The following IQGAP2 variants were observed in gnomAD, a reference collection of about 807,000 sequenced individuals.
IQGAP2 encodes the protein ras GTPase-activating-like protein IQGAP2.
In IQGAP2, 173 loss-of-function variants were observed where a neutral mutation model predicts 201.3. The observed-to-expected ratio is 0.86, with a 90% CI of 0.76 to 0.98. IQGAP2 has a LOEUF of 0.98. Among genes scored for constraint, IQGAP2 ranks in the 50% least tolerant of loss-of-function variants. The probability of loss-of-function intolerance (pLI) is 0.00; values close to 1 mark genes in which losing one functional copy is unlikely to be tolerated. For synonymous variants in IQGAP2, 675 were observed against 673.9 expected, an observed-to-expected ratio of 1.00 and a Z score of -0.03; for missense variants, 1,687 against 1,864.8, an observed-to-expected ratio of 0.90 and a Z score of 1.76.
rs180747042 is a variant in IQGAP2 at position 76,656,266 on chromosome 5, A to G, written c.2320+1263A>G. Reference sequence around the variant, plus strand: ...GAGACGGAGTCTCGCTCTTTCGCCCAGGCAGGACTGCAGTGGCGCTATCTC... The same window carrying G: ...GAGACGGAGTCTCGCTCTTTCGCCCGGGCAGGACTGCAGTGGCGCTATCTC... On this transcript the variant is annotated intron_variant, in intron 20 of 35. Coordinates refer to ENST00000274364, the MANE Select transcript of IQGAP2 (RefSeq NM_006633.5). 1.9e-3 allele frequency among the ~76,000 whole-genome samples: 294 copies of G among 151,110 alleles called. 1 individual carries two copies. The highest frequency in any genetic ancestry group is 6.6e-3 in the African/African-American group (272 of 41,164).
chr5:76,521,616 C>T (rs928815724), intron 2 of IQGAP2, among the ~76,000 whole-genome samples: 1 of 152,162 alleles, frequency 6.6e-6, no homozygotes, highest in African/African-American at 2.4e-5. Flanking sequence ...GTTTCAGAGC[C>T]CCTGTAGAGA....
chr5:76,582,515 T>C (rs1038630176), intron 5 of IQGAP2, among the ~76,000 whole-genome samples: 35 of 152,196 alleles, frequency 2.3e-4, no homozygotes, highest in African/African-American at 7.5e-4. Context: ...TGCTCTACCA[T>C]GAGGCTTTGA....
chr5:76,502,364 A>G (rs1390540291), intron 2 of IQGAP2, among the ~76,000 whole-genome samples: 2 of 152,240 alleles, frequency 1.3e-5, no homozygotes, highest in Non-Finnish European at 2.9e-5. Flanking sequence ...TAATATAAGC[A>G]TCACCTTCAG....
In IQGAP2 at chr5:76,512,422, C is replaced by G. The variant is rs188400159; in HGVS notation, c.147-49974C>G. Reference sequence around the variant, plus strand: ...ACCAAGTTTACACGTGCTAACCTTTCTGCTTTAGTAGCTAAACTTTTGATT... The same window carrying G: ...ACCAAGTTTACACGTGCTAACCTTTGTGCTTTAGTAGCTAAACTTTTGATT... On this transcript the variant is annotated intron_variant, in intron 2 of 35. Transcript: ENST00000274364. Among the ~76,000 whole-genome samples the G allele has an allele frequency of 7.2e-5, 11 of 152,326 alleles. No individual in the cohort carries two copies. The East Asian group carries it at 2.1e-3, about 29-fold the overall frequency.
chr5:76,517,906 G>A (rs933885643), intron 2 of IQGAP2, among the ~76,000 whole-genome samples: 6 of 152,066 alleles, frequency 3.9e-5, no homozygotes, highest in South Asian at 2.1e-4. Flanking sequence ...TCACGCTGCC[G>A]ATAAAGACAT....
intron 17 of IQGAP2, among the ~76,000 whole-genome samples, chr5:76,648,397 C>T (rs1232686882): frequency 6.6e-6 from 1 of 152,144 alleles, no homozygotes; most frequent in Non-Finnish European, 1.5e-5. Flanking sequence ...GGAAAAGCCA[C>T]CTAAAACAGT....
intron 30 of IQGAP2, 129 bp from the exon 31 acceptor site, chr5:76,693,226 T>C (rs1580836858): frequency 1.7e-6 from 1 of 590,358 alleles, no homozygotes; most frequent in East Asian, 2.9e-5. Flanking sequence ...TCCGCAAGAA[T>C]GTTTTATTTT....
intron 1 of IQGAP2, among the ~76,000 whole-genome samples, chr5:76,424,536 A>T (rs1009747689): frequency 3.3e-5 from 5 of 152,160 alleles, no homozygotes; most frequent in Non-Finnish European, 5.9e-5. Context: ...CGAACTCCTA[A>T]TCCACCTGCC....
chr5:76,634,438 T>C (rs1750962517), intron 15 of IQGAP2, among the ~76,000 whole-genome samples: 2 of 152,062 alleles, frequency 1.3e-5, no homozygotes, highest in African/African-American at 4.8e-5. Flanking sequence ...TTTGTATTTT[T>C]TAGTAGAGAC....
At chr5:76,463,620 G>C (rs748538137) in intron 2 of IQGAP2, among the ~76,000 whole-genome samples, 1 of 152,068 alleles carries the variant, frequency 6.6e-6, no homozygotes, top group Non-Finnish European at 1.5e-5. Context: ...ATCTTCTCTA[G>C]TATTTTTGAA....
Position 76,403,324 on chromosome 5 carries a change from G to C in IQGAP2, c.-222G>C, listed in dbSNP as rs1296885247. On this transcript the variant is annotated 5_prime_UTR_variant, in exon 1 of 36. Transcript: ENST00000274364. The surrounding 1 kb of genome is among the most constrained non-coding windows in gnomAD (Gnocchi z 4.8). ...AGGCGGCGGCGACCGGCCAGGGAGCGAGGGAGGAGAGTTCACTTTTACTTC... is the reference window on the plus strand; with the variant it reads ...AGGCGGCGGCGACCGGCCAGGGAGCCAGGGAGGAGAGTTCACTTTTACTTC... The C allele has an allele frequency of 2.7e-6, 1 of 371,378 alleles. No homozygotes were observed. The highest frequency in any genetic ancestry group is 4.8e-6 in the Non-Finnish European group (1 of 209,716). The allele number at this position is 371,378 out of a possible 1,614,324, so 23.0% of individuals were successfully genotyped here.
At chr5:76,556,925 A>T (rs1043723971) in intron 2 of IQGAP2, among the ~76,000 whole-genome samples, 1 of 152,160 alleles carries the variant, frequency 6.6e-6, no homozygotes, top group Non-Finnish European at 1.5e-5. Flanking sequence ...ACAAGGGGAA[A>T]CCTGGACCAT....
intron 33 of IQGAP2, among the ~76,000 whole-genome samples, chr5:76,700,111 GA>G (rs1478580369): frequency 6.6e-6 from 1 of 152,122 alleles, no homozygotes; most frequent in Non-Finnish European, 1.5e-5. Flanking sequence ...ATGCAAGGAA[GA>G]AGTTGGTCAA....
At chr5:76,545,064 A>C (rs1159030809) in intron 2 of IQGAP2, among the ~76,000 whole-genome samples, 1 of 152,138 alleles carries the variant, frequency 6.6e-6, no homozygotes, top group Non-Finnish European at 1.5e-5. Context: ...TTATCTCTAC[A>C]TATACATACA....
chr5:76,503,819 C>T (rs559438576), intron 2 of IQGAP2, among the ~76,000 whole-genome samples: 89 of 152,248 alleles, frequency 5.8e-4, no homozygotes, highest in African/African-American at 2.1e-3. Context: ...TCTTGAACTC[C>T]TGACCTCAGG....
intron 4 of IQGAP2, among the ~76,000 whole-genome samples, chr5:76,572,396 T>C (rs1265514614): frequency 6.6e-6 from 1 of 151,994 alleles, no homozygotes; most frequent in Admixed American, 6.6e-5. Flanking sequence ...ACTCCTGACC[T>C]CAGGTGATCT....
intron 35 of IQGAP2, 128 bp downstream of exon 35, chr5:76,702,718 A>G (rs1561613695): frequency 5.1e-6 from 2 of 393,194 alleles, no homozygotes; most frequent in Non-Finnish European, 9.6e-6. Context: ...CTTATTTGCC[A>G]ATATTTGTTA....
In IQGAP2 at chr5:76,674,690, G is replaced by C. The variant is rs1357620919; in HGVS notation, c.3508G>C (p.Glu1170Gln). 6.2e-7 allele frequency: 1 copy of C among 1,613,232 alleles called. No homozygotes were observed. The highest frequency in any genetic ancestry group is 1.3e-5 in the African/African-American group (1 of 74,910). Reference sequence around the variant, plus strand: ...CTCATCTATGAACAATTATTTATCAGAGACGTATCAGGAATTCAGGTGAGA... The same window carrying C: ...CTCATCTATGAACAATTATTTATCACAGACGTATCAGGAATTCAGGTGAGA... ...HLSSMNNYLSETYQEFRKYFK... is the reference protein window; with the variant it reads ...HLSSMNNYLSQTYQEFRKYFK... The change falls in exon 27 of 36, where the codon GAG (glutamate) becomes CAG (glutamine). Residue 1170 changes from glutamate to glutamine, a missense_variant. Physicochemically the swap from Glu to Gln is conservative, Grantham distance 29. Coordinates refer to ENST00000274364, the MANE Select transcript of IQGAP2 (RefSeq NM_006633.5).
intron 2 of IQGAP2, among the ~76,000 whole-genome samples, chr5:76,463,114 C>G (rs1369377453): frequency 9.8e-6 from 1 of 101,716 alleles, no homozygotes; most frequent in Non-Finnish European, 1.8e-5. Context: ...CAGAGTGAGA[C>G]GCTGTCTTTA....
Sources: allele counts gnomAD v4.1 joint callset (sites outside exome capture counted in the v4.1 genomes callset), GRCh38; gene constraint gnomAD v4.1.1; non-coding constraint Gnocchi (gnomAD v3.1); transcripts MANE v1.5; gene names NCBI Gene and HGNC (gene_info 2026-07-23, HGNC 2026-07-21).